The following ZMAT5 variants were observed in gnomAD, a reference collection of about 807,000 sequenced individuals.
The protein encoded by ZMAT5 is zinc finger matrin-type 5.
ZMAT5 carries 23 observed loss-of-function variants against 28.0 expected under a neutral mutation model. The ratio of observed to expected loss-of-function variants is 0.82; its 90% CI spans 0.59 to 1.16. The LOEUF is 1.16. Among genes scored for constraint, ZMAT5 ranks in the 50% most tolerant of loss-of-function variants. The pLI, the probability that ZMAT5 is intolerant of heterozygous loss-of-function variation, is 0.00. For missense variants in ZMAT5, 173 were observed against 212.7 expected, an observed-to-expected ratio of 0.81 and a Z score of 1.16; for synonymous variants, 76 against 84.1, an observed-to-expected ratio of 0.90 and a Z score of 0.52.
intron 5 of ZMAT5, among the ~76,000 whole-genome samples, chr22:29,737,805 A>G (rs1381406514): frequency 6.6e-6 from 1 of 152,128 alleles, no homozygotes; most frequent in Non-Finnish European, 1.5e-5. Flanking sequence ...ACCCCGATCC[A>G]GCAGCTCCCC....
chr22:29,738,190 C>T lies in ZMAT5; in HGVS notation c.383+140G>A, dbSNP rs1210137107. On this transcript the variant is annotated intron_variant, in intron 5 of 5. Coordinates refer to ENST00000344318, the MANE Select transcript of ZMAT5 (RefSeq NM_001003692.2). ...AGGGCCTGGGGCCCCAAGGGCTCCT[C>T]GGGGAGCTATGTGTAGGCAACTTTA... is the stretch of plus-strand genomic sequence containing the variant. 50 of 752,540 alleles carry T rather than the reference C, an allele frequency of 6.6e-5. No homozygotes were observed. The East Asian group carries it at 1.2e-3, about 18-fold the overall frequency. The allele number at this position is 752,540 out of a possible 1,614,324, so 46.6% of individuals were successfully genotyped here.
intron 1 of ZMAT5, among the ~76,000 whole-genome samples, chr22:29,751,093 G>A (rs1569338916): frequency 6.6e-6 from 1 of 152,174 alleles, no homozygotes; most frequent in African/African-American, 2.4e-5. Flanking sequence ...AGAGATGAAC[G>A]TTTAACGGCC....
At chr22:29,764,047 A>T (rs1004032945) in intron 1 of ZMAT5, among the ~76,000 whole-genome samples, 1 of 152,046 alleles carries the variant, frequency 6.6e-6, no homozygotes, top group South Asian at 2.1e-4. Context: ...GCTTGAGCCC[A>T]GGAGTTCCAG....
intron 2 of ZMAT5, chr22:29,747,308 G>C (rs2068017097): frequency 6.6e-6 from 1 of 152,122 alleles, no homozygotes; most frequent in Non-Finnish European, 1.5e-5. Flanking sequence ...TTTGAGGCGG[G>C]GTCTCACAAT....
chr22:29,763,677 C>T (rs2068181199), intron 1 of ZMAT5, among the ~76,000 whole-genome samples: 1 of 151,250 alleles, frequency 6.6e-6, no homozygotes, highest in Admixed American at 6.6e-5. Context: ...AATCCCAGCA[C>T]TTTGGAAGGC....
chr22:29,748,056 G>A lies in ZMAT5; in HGVS notation c.127+362C>T, dbSNP rs796475840. ...CTACCATTCTCCCCTGGCCTGCTCC[G>A]CCCAGCCACACCCTCTCCCTCCTGC... On this transcript the variant is annotated intron_variant, in intron 2 of 5. Coordinates refer to ENST00000344318, the MANE Select transcript of ZMAT5 (RefSeq NM_001003692.2). 148 of 345,022 alleles carry A rather than the reference G, an allele frequency of 4.3e-4. 2 individuals are homozygous for A. Among genetic ancestry groups the A allele is most frequent in the African/African-American group, 2.8e-3 (130 of 46,682 alleles). 21.4% of individuals were successfully genotyped at this position (345,022 alleles called of 1,614,324 possible). A position where few individuals can be genotyped will look rare whatever the true frequency, so the allele number is the denominator to read the frequency against.
At chr22:29,757,734 CAG>C (rs1167954765) in intron 1 of ZMAT5, among the ~76,000 whole-genome samples, 1 of 152,166 alleles carries the variant, frequency 6.6e-6, no homozygotes, top group Admixed American at 6.5e-5. Flanking sequence ...AAAGACACTG[CAG>C]GGAGGGCATG....
intron 1 of ZMAT5, among the ~76,000 whole-genome samples, chr22:29,754,949 G>A (rs1296664284): frequency 6.6e-6 from 1 of 151,960 alleles, no homozygotes; most frequent in Non-Finnish European, 1.5e-5. Flanking sequence ...ATTATCATCC[G>A]GGCTGCCCAC....
At chr22:29,754,669 G>A (rs576876016) in intron 1 of ZMAT5, among the ~76,000 whole-genome samples, 1 of 152,162 alleles carries the variant, frequency 6.6e-6, no homozygotes, top group South Asian at 2.1e-4. Context: ...CCAGGAGCTC[G>A]AGACCAGCCT....
chr22:29,765,564 C>A (rs1203806871), intron 1 of ZMAT5, among the ~76,000 whole-genome samples: 1 of 152,046 alleles, frequency 6.6e-6, no homozygotes, highest in Non-Finnish European at 1.5e-5. Context: ...TGCTCCACAC[C>A]CTAACCTAAA....
intron 5 of ZMAT5, among the ~76,000 whole-genome samples, chr22:29,735,123 G>A (rs73883307): frequency 0.014 from 2,163 of 152,284 alleles, 45 homozygotes; most frequent in African/African-American, 0.048. Context: ...CAGGGTAGGG[G>A]GTGTGGATGC....
intron 4 of ZMAT5, 79 bp from the exon 5 acceptor site, chr22:29,738,520 C>T: frequency 7.6e-7 from 1 of 1,319,342 alleles, no homozygotes; most frequent in South Asian, 1.2e-5. Context: ...AAAGCAGAAG[C>T]AACTGGTAGG....
intron 5 of ZMAT5, among the ~76,000 whole-genome samples, chr22:29,736,719 CAAAAAA>C (rs35069848): frequency 1.2e-4 from 3 of 25,264 alleles, no homozygotes; most frequent in African/African-American, 1.8e-4. Flanking sequence ...GACTCCATCT[CAAAAAA>C]AAAAAAAAAA....
chr22:29,740,786 G>A (rs1047950698), intron 3 of ZMAT5, 56 bp from the exon 4 acceptor site: 3 of 1,510,294 alleles, frequency 2.0e-6, no homozygotes, highest in African/African-American at 2.8e-5. Flanking sequence ...CACAGGGGCT[G>A]AGGGGTGCCC....
In ZMAT5 at chr22:29,738,538, C is replaced by A. The variant is rs1454845974; in HGVS notation, c.272-97G>T. The A allele has an allele frequency of 1.1e-5, 12 of 1,045,910 alleles. No homozygotes were observed. The Admixed American group carries it at 2.8e-4, about 25-fold the overall frequency. 64.8% of individuals were successfully genotyped at this position (1,045,910 alleles called of 1,614,324 possible). A position where few individuals can be genotyped will look rare whatever the true frequency, so the allele number is the denominator to read the frequency against. ...GCAGAAGCAACTGGTAGGCCCTGAG[C>A]AAGCCTGGGAAGTTGCAGCAACCTT... On this transcript the variant is annotated intron_variant, in intron 4 of 5. Transcript: ENST00000344318.
In ZMAT5 at chr22:29,761,566, CTGGG is replaced by C. The variant is rs373092060; in HGVS notation, c.-28+5302_-28+5305del. 7.6e-3 allele frequency among the ~76,000 whole-genome samples: 1,151 copies of C among 152,218 alleles called. 12 individuals are homozygous for C. Among genetic ancestry groups the C allele is most frequent in the African/African-American group, 0.027 (1,109 of 41,544 alleles). ...CAAGATTGCACCACTGCACTCCAGC[CTGGG>C]TGAGAGAGTGAGACACTGTCTCAGA... On this transcript the variant is annotated intron_variant, in intron 1 of 5. Coordinates refer to ENST00000344318, the MANE Select transcript of ZMAT5 (RefSeq NM_001003692.2).
At chr22:29,760,817 G>C (rs1308037187) in intron 1 of ZMAT5, among the ~76,000 whole-genome samples, 2 of 152,132 alleles carry the variant, frequency 1.3e-5, no homozygotes, top group Non-Finnish European at 2.9e-5. Flanking sequence ...TTGATGCTAA[G>C]CACAATTAGT....
chr22:29,762,396 G>A lies in ZMAT5; in HGVS notation c.-28+4476C>T, dbSNP rs141414176. Reference sequence around the variant, plus strand: ...TCCATGGCCTGTCAGGAGCTGGGCCGCACAGCAGGAGGTGAGTGGCAGGTG... The same window carrying A: ...TCCATGGCCTGTCAGGAGCTGGGCCACACAGCAGGAGGTGAGTGGCAGGTG... On this transcript the variant is annotated intron_variant, in intron 1 of 5. Transcript: ENST00000344318. Among the ~76,000 whole-genome samples the A allele has an allele frequency of 3.2e-3, 480 of 152,346 alleles. 3 individuals are homozygous for A. The highest frequency in any genetic ancestry group is 5.2e-3 in the Non-Finnish European group (351 of 68,044).
chr22:29,760,149 C>T (rs948228522), intron 1 of ZMAT5, among the ~76,000 whole-genome samples: 42 of 151,132 alleles, frequency 2.8e-4, no homozygotes, highest in South Asian at 1.0e-3. Context: ...TGCAGCGAGC[C>T]GAGATTGCAC....
Sources: allele counts gnomAD v4.1 joint callset (sites outside exome capture counted in the v4.1 genomes callset), GRCh38; gene constraint gnomAD v4.1.1; transcripts MANE v1.5; gene names NCBI Gene and HGNC (gene_info 2026-07-23, HGNC 2026-07-21).